Variants in OXCT1 observed in about 807,000 individuals in gnomAD.
OXCT1 encodes the protein succinyl-CoA:3-ketoacid coenzyme A transferase 1, mitochondrial.
Under a neutral mutation model 69.6 loss-of-function variants are expected in OXCT1, and 27 were observed. That is an observed-to-expected ratio of 0.39 (90% confidence interval 0.29 to 0.54). The LOEUF is 0.54. Ranked by LOEUF, OXCT1 falls within the 20% of genes least tolerant of loss-of-function variation. The probability of loss-of-function intolerance (pLI) is 0.72; values close to 1 mark genes in which losing one functional copy is unlikely to be tolerated. For synonymous variants in OXCT1, 202 were observed against 217.8 expected, an observed-to-expected ratio of 0.93 and a Z score of 0.64; for missense variants, 437 against 650.2, an observed-to-expected ratio of 0.67 and a Z score of 3.57.
intron 13 of OXCT1, among the ~76,000 whole-genome samples, chr5:41,767,292 G>A (rs781086755): frequency 1.3e-5 from 2 of 152,082 alleles, no homozygotes; most frequent in Middle Eastern, 3.4e-3. Context: ...GCATTTTCTA[G>A]GACAGGTGAA....
At chr5:41,747,978 C>T (rs1743587031) in intron 15 of OXCT1, among the ~76,000 whole-genome samples, 1 of 152,106 alleles carries the variant, frequency 6.6e-6, no homozygotes, top group South Asian at 2.1e-4. Context: ...GTGTCTCACC[C>T]TTCTTCCATG....
chr5:41,862,066 C>G (rs1749763438), intron 2 of OXCT1, among the ~76,000 whole-genome samples: 1 of 152,048 alleles, frequency 6.6e-6, no homozygotes, highest in African/African-American at 2.4e-5. Context: ...CAAAAATTAG[C>G]CAGGAGTGAT....
chr5:41,794,957 G>A (rs897857960), intron 11 of OXCT1, among the ~76,000 whole-genome samples: 2 of 152,182 alleles, frequency 1.3e-5, no homozygotes, highest in African/African-American at 4.8e-5. Context: ...TTTGCATGAT[G>A]ATAATGAAAA....
At chr5:41,832,263 A>G (rs1243916924) in intron 7 of OXCT1, among the ~76,000 whole-genome samples, 8 of 152,096 alleles carry the variant, frequency 5.3e-5, no homozygotes, top group African/African-American at 1.9e-4. Flanking sequence ...CTGACCCACC[A>G]CAGTCCCAGT....
chr5:41,747,647 G>C (rs1561359307), intron 15 of OXCT1, among the ~76,000 whole-genome samples: 1 of 152,112 alleles, frequency 6.6e-6, no homozygotes, highest in African/African-American at 2.4e-5. Flanking sequence ...GTTCCAGACA[G>C]AGAAGGAGGA....
chr5:41,827,432 T>C (rs541816912), intron 7 of OXCT1, among the ~76,000 whole-genome samples: 22 of 152,294 alleles, frequency 1.4e-4, no homozygotes, highest in African/African-American at 4.1e-4. Context: ...AAGCTGCTTC[T>C]CCTCCAACTT....
intron 5 of OXCT1, among the ~76,000 whole-genome samples, chr5:41,846,622 T>C (rs1748919735): frequency 6.6e-6 from 1 of 152,164 alleles, no homozygotes; most frequent in Admixed American, 6.5e-5. Context: ...AGCAGCATGA[T>C]TTATAGTCCT....
chr5:41,807,186 T>C (rs1277546517), intron 8 of OXCT1, 145 bp downstream of exon 8: 6 of 673,276 alleles, frequency 8.9e-6, no homozygotes, highest in Non-Finnish European at 1.6e-5. Flanking sequence ...ATCCCCATGA[T>C]GATAGACACA....
chr5:41,753,100 G>A (rs1026664708), intron 14 of OXCT1, among the ~76,000 whole-genome samples: 2 of 152,062 alleles, frequency 1.3e-5, no homozygotes, highest in African/African-American at 4.8e-5. Context: ...TAAGTTTCAT[G>A]TTATTGCAAT....
chr5:41,828,045 G>A (rs959522777), intron 7 of OXCT1, among the ~76,000 whole-genome samples: 6 of 152,186 alleles, frequency 3.9e-5, no homozygotes, highest in African/African-American at 1.4e-4. Flanking sequence ...CACTAGTCAG[G>A]CTGGAGAAGA....
intron 13 of OXCT1, among the ~76,000 whole-genome samples, chr5:41,774,490 AAAGT>A (rs1745030057): frequency 6.6e-6 from 1 of 152,186 alleles, no homozygotes; most frequent in South Asian, 2.1e-4. Flanking sequence ...GTAGTAGCAG[AAAGT>A]AAGGAAGTGC....
intron 16 of OXCT1, among the ~76,000 whole-genome samples, chr5:41,737,066 A>C (rs1742919243): frequency 6.6e-6 from 1 of 152,260 alleles, no homozygotes; most frequent in Admixed American, 6.5e-5. Context: ...CTAGCCTTAC[A>C]GAAAACAACC....
At chr5:41,848,311 T>A (rs1749020017) in intron 5 of OXCT1, among the ~76,000 whole-genome samples, 1 of 149,874 alleles carries the variant, frequency 6.7e-6, no homozygotes, top group South Asian at 2.1e-4. Flanking sequence ...GAATATTCCA[T>A]GCTCATGGGT....
At chr5:41,826,441 G>A (rs1250435339) in intron 7 of OXCT1, among the ~76,000 whole-genome samples, 1 of 152,042 alleles carries the variant, frequency 6.6e-6, no homozygotes, top group African/African-American at 2.4e-5. Flanking sequence ...TCAAAGCAGC[G>A]GGAGGGATTA....
At chr5:41,740,053 C>G (rs993091938) in intron 15 of OXCT1, among the ~76,000 whole-genome samples, 7 of 152,110 alleles carry the variant, frequency 4.6e-5, no homozygotes, top group African/African-American at 1.7e-4. Context: ...GCATTTGTTA[C>G]TACTGCAACC....
intron 16 of OXCT1, among the ~76,000 whole-genome samples, chr5:41,737,291 GGGTC>G (rs1742932348): frequency 6.6e-6 from 1 of 152,150 alleles, no homozygotes; most frequent in Non-Finnish European, 1.5e-5. Context: ...GAAATTGAGA[GGGTC>G]TACAGAGATA....
chr5:41,750,135 G>GTTTTTTTT (rs11291155), intron 14 of OXCT1, among the ~76,000 whole-genome samples: 161 of 73,874 alleles, frequency 2.2e-3, no homozygotes, highest in East Asian at 4.9e-3. Flanking sequence ...GTGTTTTTTG[G>GTTTTTTTT]TTTTTTTTTT....
chr5:41,820,317 G>A (rs1472433216), intron 7 of OXCT1, among the ~76,000 whole-genome samples: 2 of 151,990 alleles, frequency 1.3e-5, no homozygotes, highest in Non-Finnish European at 1.5e-5. Flanking sequence ...ATCACTGAGG[G>A]GTTATAATTG....
rs568008424 is a variant in OXCT1 at position 41,851,607 on chromosome 5, T to A, written c.415-1428A>T. On this transcript the variant is annotated intron_variant, in intron 4 of 16. Coordinates refer to ENST00000196371, the MANE Select transcript of OXCT1 (RefSeq NM_000436.4). ...TCCTGATCCCCACCATCGATACTCCTCCCCCTAGCCTTCAGGCTGCAAAAT... is the reference window on the plus strand; with the variant it reads ...TCCTGATCCCCACCATCGATACTCCACCCCCTAGCCTTCAGGCTGCAAAAT... 8.6e-5 allele frequency among the ~76,000 whole-genome samples: 13 copies of A among 151,422 alleles called. No individual in the cohort carries two copies. In the South Asian group the frequency reaches 2.7e-3, roughly 32 times the overall value.
Sources: gnomAD v4.1 joint callset for allele counts (sites outside exome capture counted in the v4.1 genomes callset) on GRCh38, gnomAD v4.1.1 for gene constraint, MANE v1.5 for transcripts, NCBI Gene and HGNC (gene_info 2026-07-23, HGNC 2026-07-21) for gene names.